The following TNS4 variants were observed in gnomAD, a reference collection of about 807,000 sequenced individuals.
TNS4 encodes tensin 4, also known as tensin-4.
TNS4 carries 46 observed loss-of-function variants against 70.4 expected under a neutral mutation model. The observed-to-expected ratio is 0.65, with a 90% confidence interval of 0.52 to 0.84. The LOEUF (loss-of-function observed/expected upper bound fraction) is 0.84, where lower values mean the gene tolerates loss of function less well. Among genes scored for constraint, TNS4 ranks in the 40% least tolerant of loss-of-function variants. The pLI is 0.00. For missense variants in TNS4, 863 were observed against 907.0 expected, an observed-to-expected ratio of 0.95 and a Z score of 0.62; for synonymous variants, 390 against 366.6, an observed-to-expected ratio of 1.06 and a Z score of -0.73.
intron 1 of TNS4, among the ~76,000 whole-genome samples, chr17:40,499,524 G>A (rs188066496): frequency 2.7e-4 from 41 of 152,358 alleles, no homozygotes; most frequent in African/African-American, 9.4e-4. Context: ...ATTGGCTGAA[G>A]GTCGCACAGG....
At position 40,500,326 on chromosome 17, in the gene TNS4, G is replaced by A. The variant is rs372773860; in HGVS notation, c.-96+1208C>T. On this transcript the variant is annotated intron_variant, in intron 1 of 12. Transcript: ENST00000254051. ...CCCCTCACTTTTAAGGCTCTGCGTC[G>A]CCCTTGGATGTACCAAGGCAGGGCT... 5.3e-5 allele frequency among the ~76,000 whole-genome samples: 8 copies of A among 152,118 alleles called. No individual in the cohort carries two copies. The East Asian group carries it at 5.8e-4, about 11-fold the overall frequency.
At position 40,477,663 on chromosome 17, in the gene TNS4, C is replaced by T. The variant is rs2035865612; in HGVS notation, c.2073G>A (p.Glu691=). 6.2e-7 allele frequency: 1 copy of T among 1,614,116 alleles called. No homozygotes were observed. The highest frequency in any genetic ancestry group is 8.5e-7 in the Non-Finnish European group (1 of 1,180,028). ...PQENVCHLFA[E]YDMVQPASQV... Reference sequence around the variant, plus strand: ...GCGAGGCTGGCTGGACCATGTCATACTCCGCAAAGAGGTGGCATACGTTCT... The same window carrying T: ...GCGAGGCTGGCTGGACCATGTCATATTCCGCAAAGAGGTGGCATACGTTCT... Residue 691 remains glutamate (E), a synonymous_variant, in exon 13 of 13, where the codon GAG becomes GAA. Coordinates refer to ENST00000254051, the MANE Select transcript of TNS4 (RefSeq NM_032865.6).
At chr17:40,495,853 G>T in intron 2 of TNS4, 134 bp downstream of exon 2, 1 of 852,822 alleles carries the variant, frequency 1.2e-6, no homozygotes, top group Non-Finnish European at 1.8e-6. Flanking sequence ...AAACAGAGGG[G>T]TTAGTAACTT....
chr17:40,492,716 G>A (rs2036090460), intron 2 of TNS4, among the ~76,000 whole-genome samples: 1 of 151,454 alleles, frequency 6.6e-6, no homozygotes, highest in South Asian at 2.1e-4. Context: ...AACATGGTGA[G>A]ACTCCATCTC....
At chr17:40,483,217 A>AT (rs1233959795) in intron 6 of TNS4, among the ~76,000 whole-genome samples, 44 of 151,020 alleles carry the variant, frequency 2.9e-4, no homozygotes, top group African/African-American at 1.0e-3. Flanking sequence ...ATTTTATTTT[A>AT]TTTTTTTTAG....
At chr17:40,499,924 G>A (rs147101799) in intron 1 of TNS4, among the ~76,000 whole-genome samples, 24 of 152,320 alleles carry the variant, frequency 1.6e-4, no homozygotes, top group African/African-American at 5.5e-4. Context: ...TTACTAATTT[G>A]GACACAGCTT....
At chr17:40,478,511 C>T (rs55769934) in intron 11 of TNS4, 69 bp downstream of exon 11, 73,159 of 1,591,910 alleles carry the variant, frequency 0.046, 1,965 homozygotes, top group Non-Finnish European at 0.054. Flanking sequence ...GGCCCAGAGT[C>T]GGCAGGACGC....
chr17:40,488,610 G>T lies in TNS4; in HGVS notation c.799C>A (p.Arg267=), dbSNP rs150940139. Residue 267 remains arginine, a synonymous_variant, in exon 3 of 13, where the codon CGG becomes AGG. Transcript: ENST00000254051. ...GACAGCACAGAGATCCTGCTGCCCC[G>T]CTGTGGGGCCAGGCCTCCCAGCCGC... ...EKRLGGLAPQ[R]GSRISVLSAS... is the part of the protein sequence containing the mutation. The T allele has an allele frequency of 4.2e-5, 64 of 1,517,044 alleles. No individual in the cohort carries two copies. The African/African-American group carries it at 7.2e-4, about 17-fold the overall frequency. The allele number at this position is 1,517,044 out of a possible 1,614,324, so 94.0% of individuals were successfully genotyped here.
In TNS4 at chr17:40,487,267, G is replaced by A; in HGVS notation, c.1057C>T (p.Leu353=). 1 of 1,614,232 alleles carries A rather than the reference G, an allele frequency of 6.2e-7. No homozygotes were observed. The highest frequency in any genetic ancestry group is 8.5e-7 in the Non-Finnish European group (1 of 1,180,030). Residue 353 remains leucine, a synonymous_variant, in exon 4 of 13, where the codon CTG becomes TTG. Coordinates refer to ENST00000254051, the MANE Select transcript of TNS4 (RefSeq NM_032865.6). ...GQPRTPHSPP[L]AKEHASSCPP... is the part of the protein sequence containing the mutation. Reference sequence around the variant, plus strand: ...CAGCTGCTGGCATGTTCTTTGGCCAGTGGTGGAGAGTGGGGTGTTCTGGGT... The same window carrying A: ...CAGCTGCTGGCATGTTCTTTGGCCAATGGTGGAGAGTGGGGTGTTCTGGGT...
chr17:40,478,357 G>A (rs772260058), intron 11 of TNS4, 24 bp from the exon 12 acceptor site: 30 of 1,608,576 alleles, frequency 1.9e-5, no homozygotes, highest in Non-Finnish European at 2.4e-5. Context: ...ACATGATACC[G>A]AGTAATGAGG....
At chr17:40,496,688 G>A (rs1357199609) in intron 1 of TNS4, among the ~76,000 whole-genome samples, 168 bp from the exon 2 acceptor site, 1 of 152,126 alleles carries the variant, frequency 6.6e-6, no homozygotes, top group African/African-American at 2.4e-5. Context: ...TATAACCTTG[G>A]GCAAGTTAAT....
At chr17:40,488,381 A>G (rs1378547829) in intron 3 of TNS4, among the ~76,000 whole-genome samples, 165 bp downstream of exon 3, 1 of 152,166 alleles carries the variant, frequency 6.6e-6, no homozygotes, top group East Asian at 1.9e-4. Flanking sequence ...ATGCTTGAGG[A>G]CAGCTTGAGA....
intron 8 of TNS4, 150 bp from the exon 9 acceptor site, chr17:40,480,918 G>A (rs891347088): frequency 7.9e-6 from 7 of 885,448 alleles, no homozygotes; most frequent in South Asian, 5.2e-5. Context: ...TGTGATTACC[G>A]TAATTAGGCA....
rs755062048 is a variant in TNS4 at position 40,487,358 on chromosome 17, T to C, written c.966A>G (p.Ser322=). 6.2e-7 allele frequency: 1 copy of C among 1,614,188 alleles called. No homozygotes were observed. The highest frequency in any genetic ancestry group is 8.5e-7 in the Non-Finnish European group (1 of 1,180,038). ...NSSSSLHSLG[S]VSLCTRPSDF... is the part of the protein sequence containing the mutation. Reference sequence around the variant, plus strand: ...CACTGGGTCTTGTACACAGGGACACTGAGCCAAGGCTGTGGAGGCTGGAGG... The same window carrying C: ...CACTGGGTCTTGTACACAGGGACACCGAGCCAAGGCTGTGGAGGCTGGAGG... The change falls in exon 4 of 13, where the codon TCA becomes TCG. Residue 322 remains serine, a synonymous_variant. Transcript: ENST00000254051.
intron 6 of TNS4, among the ~76,000 whole-genome samples, chr17:40,482,690 A>G (rs1018757692): frequency 6.6e-6 from 1 of 151,752 alleles, no homozygotes; most frequent in African/African-American, 2.4e-5. Context: ...AGGCAGGAGA[A>G]TTGCTTGAAC....
At chr17:40,489,251 G>A (rs1022571564) in intron 2 of TNS4, among the ~76,000 whole-genome samples, 1 of 152,126 alleles carries the variant, frequency 6.6e-6, no homozygotes, top group Non-Finnish European at 1.5e-5. Context: ...TTCTGAGAGA[G>A]TTTGGCCAAA....
intron 9 of TNS4, among the ~76,000 whole-genome samples, 190 bp downstream of exon 9, chr17:40,480,510 C>G (rs1307233323): frequency 6.6e-6 from 1 of 152,110 alleles, no homozygotes; most frequent in Non-Finnish European, 1.5e-5. Flanking sequence ...CTGCTGGCCT[C>G]TCATCTTCTG....
intron 6 of TNS4, among the ~76,000 whole-genome samples, chr17:40,483,518 T>G (rs939412373): frequency 6.6e-6 from 1 of 152,180 alleles, no homozygotes; most frequent in Admixed American, 6.5e-5. Flanking sequence ...TTCTTAATTA[T>G]TTAGATAAAT....
chr17:40,488,284 G>A (rs893625486), intron 3 of TNS4, among the ~76,000 whole-genome samples: 6 of 152,188 alleles, frequency 3.9e-5, no homozygotes, highest in Admixed American at 3.3e-4. Flanking sequence ...GGGCTGGAAA[G>A]GATATAGATG....
Sources: gnomAD v4.1 joint callset for allele counts (sites outside exome capture counted in the v4.1 genomes callset) on GRCh38, gnomAD v4.1.1 for gene constraint, MANE v1.5 for transcripts, NCBI Gene and HGNC (gene_info 2026-07-23, HGNC 2026-07-21) for gene names.